PPP6R3: variants seen among roughly 807,000 people sequenced by gnomAD.
PPP6R3 encodes the protein serine/threonine-protein phosphatase 6 regulatory subunit 3.
A neutral mutation model predicts 110.7 loss-of-function variants in PPP6R3; 38 were observed. The observed-to-expected ratio is 0.34, with a 90% confidence interval of 0.26 to 0.45. PPP6R3 has a LOEUF of 0.45. PPP6R3 is among the 20% of genes least tolerant of loss of function. The pLI, the probability that PPP6R3 is intolerant of heterozygous loss-of-function variation, is 1.00. For synonymous variants in PPP6R3, 369 were observed against 373.5 expected, an observed-to-expected ratio of 0.99 and a Z score of 0.14; for missense variants, 870 against 1,062.4, an observed-to-expected ratio of 0.82 and a Z score of 2.52.
intron 18 of PPP6R3, among the ~76,000 whole-genome samples, chr11:68,594,322 AAGAGAGAGAGAGTGAGAGAG>A (rs914899726): frequency 8.0e-6 from 1 of 125,472 alleles, no homozygotes; most frequent in South Asian, 2.6e-4. Flanking sequence ...GAGAGAGAAA[AAGAGAGAGAGAGTGAGAGAG>A]AGAGTGAGAG....
rs1555114423 is a variant in PPP6R3, at chr11:68,531,307, T to TTTTTTTTATTTA, written c.-6-6349_-6-6348insTTTTATTTATTT. Among the ~76,000 whole-genome samples, 347 of 137,004 alleles carry TTTTTTTTATTTA rather than the reference T, an allele frequency of 2.5e-3. 3 individuals carry two copies. In the East Asian group the frequency reaches 0.038, roughly 15 times the overall value. 89.9% of individuals were successfully genotyped at this position (137,004 alleles called of 152,430 possible). ...TATTGAGTCAGAATCTGAGACTGTG[T>TTTTTTTTATTTA]TTTATTTATTTATTTATTTATTTAT... On this transcript the variant is annotated intron_variant, in intron 2 of 23. Transcript: ENST00000393800.
intron 1 of PPP6R3, among the ~76,000 whole-genome samples, chr11:68,500,323 C>T (rs1455038188): frequency 4.0e-5 from 6 of 151,210 alleles, no homozygotes; most frequent in African/African-American, 1.5e-4. Context: ...ATTTTTTGCT[C>T]TTCTCCCACC....
At chr11:68,575,583 C>T (rs190097091) in intron 13 of PPP6R3, among the ~76,000 whole-genome samples, 34 of 152,288 alleles carry the variant, frequency 2.2e-4, no homozygotes, top group African/African-American at 6.5e-4. Flanking sequence ...ACCCCCGACA[C>T]GTTAAACACC....
Position 68,609,744 on chromosome 11 carries a change from T to C in PPP6R3, c.2451-160T>C. On this transcript the variant is annotated intron_variant, in intron 22 of 23. Coordinates refer to ENST00000393800, the MANE Select transcript of PPP6R3 (RefSeq NM_001164161.2). ...CTTTTGTGATTCCCCAGTCACTGTC[T>C]GTGGTTGTGTGATCGTGCACCCTGC... The C allele has an allele frequency of 5.8e-6, 9 of 1,554,150 alleles. No individual in the cohort carries two copies. The South Asian group carries it at 6.7e-5, about 12-fold the overall frequency.
chr11:68,559,886 C>T (rs1338939203), intron 8 of PPP6R3, among the ~76,000 whole-genome samples: 6 of 136,892 alleles, frequency 4.4e-5, no homozygotes, highest in Admixed American at 3.0e-4. Flanking sequence ...CCCACCCCAG[C>T]GGTACGGTGC....
intron 13 of PPP6R3, among the ~76,000 whole-genome samples, chr11:68,575,106 A>G (rs1349450513): frequency 6.6e-6 from 1 of 152,136 alleles, no homozygotes; most frequent in African/African-American, 2.4e-5. Context: ...TCCTTGGGCC[A>G]TTTCACCACA....
At position 68,614,470 on chromosome 11, in the gene PPP6R3, C is replaced by CCTGA; in HGVS notation, c.*1355_*1358dup. 1 of 1,372,598 alleles carries CCTGA rather than the reference C, an allele frequency of 7.3e-7. No individual in the cohort carries two copies. Among genetic ancestry groups the CCTGA allele is most frequent in the African/African-American group, 1.5e-5 (1 of 66,518 alleles). The allele number at this position is 1,372,598 out of a possible 1,614,324, so 85.0% of individuals were successfully genotyped here. A position where few individuals can be genotyped will look rare whatever the true frequency, so the allele number is the denominator to read the frequency against. Reference sequence around the variant, plus strand: ...ACGTATTTTTACATCATTTGTTTTTCCTGACCAGTATTTAAAACCAAAAGG... The same window carrying CCTGA: ...ACGTATTTTTACATCATTTGTTTTTCCTGACTGACCAGTATTTAAAACCAAAAGG... On this transcript the variant is annotated 3_prime_UTR_variant, in exon 24 of 24. Coordinates refer to ENST00000393800, the MANE Select transcript of PPP6R3 (RefSeq NM_001164161.2).
intron 1 of PPP6R3, among the ~76,000 whole-genome samples, chr11:68,500,286 C>CT (rs879619295): frequency 1.3e-3 from 182 of 145,230 alleles, no homozygotes; most frequent in Non-Finnish European, 1.6e-3. Flanking sequence ...TAAGACCTAC[C>CT]TTTTTTTTTT....
In PPP6R3 at chr11:68,463,156, T is replaced by C. The variant is rs7928532; in HGVS notation, c.-158+2329T>C. On this transcript the variant is annotated intron_variant, in intron 1 of 23. Coordinates refer to ENST00000393800, the MANE Select transcript of PPP6R3 (RefSeq NM_001164161.2). ...TGGGAGGCCGAGGCTGGCGGATCAC[T>C]TAAGGTCAGGAGTTCGAGACCAGGC... 7.9e-3 allele frequency among the ~76,000 whole-genome samples: 1,196 copies of C among 152,012 alleles called. 18 individuals are homozygous for C. The highest frequency in any genetic ancestry group is 0.027 in the African/African-American group (1,132 of 41,452).
intron 10 of PPP6R3, among the ~76,000 whole-genome samples, chr11:68,567,610 C>A (rs2099482736): frequency 1.3e-5 from 2 of 152,136 alleles, no homozygotes; most frequent in South Asian, 2.1e-4. Context: ...TATTAGCCTG[C>A]TTACTGATGG....
rs2099446656 is a variant in PPP6R3 at position 68,564,299 on chromosome 11, C to T, written c.846-4C>T. The T allele has an allele frequency of 1.3e-6, 2 of 1,597,194 alleles. No individual in the cohort carries two copies. Among genetic ancestry groups the T allele is most frequent in the Non-Finnish European group, 1.7e-6 (2 of 1,171,736 alleles). The stretch of plus-strand genomic sequence containing the variant: ...ATAACTAAAATTCCTTGCTTTGTTT[C>T]AAGATTTGAAGGCCATATAGAGATC... On this transcript the variant is annotated splice_region_variant and splice_polypyrimidine_tract_variant and intron_variant, in intron 8 of 23. Coordinates refer to ENST00000393800, the MANE Select transcript of PPP6R3 (RefSeq NM_001164161.2).
At chr11:68,542,837 A>C (rs1016210491) in intron 3 of PPP6R3, among the ~76,000 whole-genome samples, 1 of 152,188 alleles carries the variant, frequency 6.6e-6, no homozygotes. Flanking sequence ...ACCTAGAAAA[A>C]GTGAACAAAT....
At chr11:68,563,360 C>G (rs562619325) in intron 8 of PPP6R3, among the ~76,000 whole-genome samples, 15 of 152,314 alleles carry the variant, frequency 9.8e-5, no homozygotes, top group African/African-American at 2.4e-4. Context: ...TCTGCATCCT[C>G]TTTACATTGC....
chr11:68,475,109 T>C (rs2098819019), intron 1 of PPP6R3, among the ~76,000 whole-genome samples: 2 of 152,078 alleles, frequency 1.3e-5, no homozygotes. Context: ...TAGGGAGTGG[T>C]GATGACTCTT....
At chr11:68,528,430 G>GT (rs1171807123) in intron 2 of PPP6R3, among the ~76,000 whole-genome samples, 1 of 36,368 alleles carries the variant, frequency 2.7e-5, no homozygotes, top group Non-Finnish European at 6.0e-5. Context: ...TAATTTGTGT[G>GT]TGTGGGGGGG....
In PPP6R3 at chr11:68,545,393, T is replaced by C. The variant is rs528301367; in HGVS notation, c.414+369T>C. On this transcript the variant is annotated intron_variant, in intron 4 of 23. Transcript: ENST00000393800. The stretch of plus-strand genomic sequence containing the variant: ...ATTGCTTTGTTTTGTTTTTCCCCCA[T>C]TGATGATCAGAGATGAAGCTTAAAC... Among the ~76,000 whole-genome samples the C allele has an allele frequency of 3.0e-4, 45 of 152,332 alleles. No individual in the cohort carries two copies. In the South Asian group the frequency reaches 8.1e-3, roughly 27 times the overall value.
chr11:68,601,711 T>C, intron 20 of PPP6R3, 152 bp from the exon 21 acceptor site: 1 of 590,730 alleles, frequency 1.7e-6, no homozygotes, highest in Non-Finnish European at 3.0e-6. Flanking sequence ...GGCACTTAGA[T>C]CCATGTGTCA....
intron 22 of PPP6R3, among the ~76,000 whole-genome samples, chr11:68,609,037 A>G (rs567284809): frequency 1.8e-4 from 28 of 152,342 alleles, no homozygotes; most frequent in African/African-American, 6.5e-4. Context: ...AGCAAAATCC[A>G]GGACAGAATC....
chr11:68,498,597 T>G (rs192960779), intron 1 of PPP6R3, among the ~76,000 whole-genome samples: 5 of 152,266 alleles, frequency 3.3e-5, no homozygotes, highest in African/African-American at 1.2e-4. Flanking sequence ...TTAAATAGAG[T>G]CTTACAGTAG....
Sources: gnomAD v4.1 joint callset for allele counts (sites outside exome capture counted in the v4.1 genomes callset) on GRCh38, gnomAD v4.1.1 for gene constraint, MANE v1.5 for transcripts, NCBI Gene and HGNC (gene_info 2026-07-23, HGNC 2026-07-21) for gene names.